The following CHKA variants were observed in gnomAD, a reference collection of about 807,000 sequenced individuals.
CHKA encodes choline kinase alpha.
Under a neutral mutation model 60.1 loss-of-function variants are expected in CHKA, and 34 were observed. The observed-to-expected ratio is 0.57, with a 90% CI of 0.43 to 0.75. The LOEUF (loss-of-function observed/expected upper bound fraction) is 0.75, where lower values mean the gene tolerates loss of function less well. Ranked by LOEUF, CHKA falls within the 30% of genes least tolerant of loss-of-function variation. The pLI, the probability that CHKA is intolerant of heterozygous loss-of-function variation, is 0.00. For synonymous variants in CHKA, 217 were observed against 223.1 expected, an observed-to-expected ratio of 0.97 and a Z score of 0.24; for missense variants, 563 against 561.3, an observed-to-expected ratio of 1.00 and a Z score of -0.03.
chr11:68,058,719 C>T (rs1774806908), intron 11 of CHKA, among the ~76,000 whole-genome samples: 1 of 152,178 alleles, frequency 6.6e-6, no homozygotes, highest in Non-Finnish European at 1.5e-5. Flanking sequence ...GTTTCTTCTT[C>T]CTTCCCAGTG....
At chr11:68,093,413 A>C (rs1167299315) in intron 2 of CHKA, among the ~76,000 whole-genome samples, 1 of 152,224 alleles carries the variant, frequency 6.6e-6, no homozygotes, top group Non-Finnish European at 1.5e-5. Flanking sequence ...AATATAACTG[A>C]GAAGCTAAAT....
At chr11:68,084,776 A>G (rs577568285) in intron 2 of CHKA, among the ~76,000 whole-genome samples, 1 of 152,202 alleles carries the variant, frequency 6.6e-6, no homozygotes, top group South Asian at 2.1e-4. Flanking sequence ...CTTCAAAATA[A>G]CCCTGGTGGA....
intron 1 of CHKA, among the ~76,000 whole-genome samples, chr11:68,109,341 A>G (rs764243960): frequency 5.7e-4 from 86 of 152,110 alleles, no homozygotes; most frequent in Non-Finnish European, 9.4e-4. Flanking sequence ...CTCCCGCCTC[A>G]GGCTCCCAAA....
Position 68,084,376 on chromosome 11 carries a change from A to ATG in CHKA, c.463-2921_463-2920dup, listed in dbSNP as rs762321561. ...TATATATATACACATATATACGTAT[A>ATG]TGTGTATATATATACACACATATAC... On this transcript the variant is annotated intron_variant, in intron 2 of 11. Transcript: ENST00000265689. Among the ~76,000 whole-genome samples, 19 of 124,556 alleles carry ATG rather than the reference A, an allele frequency of 1.5e-4. No homozygotes were observed. The East Asian group carries it at 1.7e-3, about 11-fold the overall frequency. The allele number at this position is 124,556 out of a possible 152,430, so 81.7% of individuals were successfully genotyped here. A position where few individuals can be genotyped will look rare whatever the true frequency, so the allele number is the denominator to read the frequency against.
intron 11 of CHKA, among the ~76,000 whole-genome samples, chr11:68,058,771 T>A (rs1241742435): frequency 1.3e-5 from 2 of 152,218 alleles, no homozygotes; most frequent in Non-Finnish European, 2.9e-5. Flanking sequence ...CTGCACCAGC[T>A]AGGAGCTTCA....
At chr11:68,080,386 C>A (rs903855390) in intron 3 of CHKA, among the ~76,000 whole-genome samples, 2 of 151,796 alleles carry the variant, frequency 1.3e-5, no homozygotes, top group African/African-American at 4.8e-5. Flanking sequence ...CGACTCCTGT[C>A]GCCCAGGCTG....
intron 1 of CHKA, among the ~76,000 whole-genome samples, chr11:68,101,321 A>C (rs910649772): frequency 1.1e-4 from 17 of 152,184 alleles, no homozygotes; most frequent in Non-Finnish European, 2.1e-4. Context: ...TAGCCAGAAA[A>C]ACAAGGCAAG....
At chr11:68,119,763 C>A (rs1332701597) in intron 1 of CHKA, among the ~76,000 whole-genome samples, 1 of 152,078 alleles carries the variant, frequency 6.6e-6, no homozygotes, top group Non-Finnish European at 1.5e-5. Context: ...CCACTGCGCC[C>A]GGCCCGGGAA....
intron 1 of CHKA, among the ~76,000 whole-genome samples, chr11:68,110,121 T>C (rs1858078259): frequency 6.6e-6 from 1 of 152,096 alleles, no homozygotes; most frequent in Non-Finnish European, 1.5e-5. Flanking sequence ...AGAGAGGAAC[T>C]TCCTCAACTT....
chr11:68,081,699 C>G, intron 2 of CHKA: 1 of 424,090 alleles, frequency 2.4e-6, no homozygotes, highest in Non-Finnish European at 4.3e-6. Flanking sequence ...GACCCGATAG[C>G]TGCACGTCTC....
chr11:68,054,535 A>G (rs1228771167), intron 11 of CHKA, among the ~76,000 whole-genome samples: 1 of 152,158 alleles, frequency 6.6e-6, no homozygotes, highest in Non-Finnish European at 1.5e-5. Context: ...GGCAAGGGAG[A>G]AAACCCGGCT....
chr11:68,064,771 G>A (rs1009282331), intron 9 of CHKA, 140 bp from the exon 10 acceptor site: 1 of 597,468 alleles, frequency 1.7e-6, no homozygotes, highest in Non-Finnish European at 2.9e-6. Flanking sequence ...GACATCCTGG[G>A]GCTGGCACCA....
chr11:68,087,644 CA>C (rs1251076222), intron 2 of CHKA, among the ~76,000 whole-genome samples: 1 of 151,854 alleles, frequency 6.6e-6, no homozygotes, highest in African/African-American at 2.4e-5. Context: ...AAAATACACA[CA>C]AAAAAAGAAA....
rs747714152 is a variant in CHKA, at chr11:68,064,561, G to T, written c.1196C>A (p.Ser399Tyr). 6.3e-6 allele frequency: 10 copies of T among 1,580,634 alleles called. No individual in the cohort carries two copies. Among genetic ancestry groups the T allele is most frequent in the Non-Finnish European group, 8.6e-6 (10 of 1,166,588 alleles). The change falls in exon 10 of 12, where the codon TCC (serine) becomes TAC (tyrosine). Residue 399 changes from serine (S) to tyrosine (Y), a missense_variant. Coordinates refer to ENST00000265689, the MANE Select transcript of CHKA (RefSeq NM_001277.3). Reference sequence around the variant, plus strand: ...AAGCAACATTTCTTCTTTTATAATGGATTTTTCTTCAGTACTGAGGTTTTC... The same window carrying T: ...AAGCAACATTTCTTCTTTTATAATGTATTTTTCTTCAGTACTGAGGTTTTC... The part of the protein sequence containing the change: ...DFENLSTEEK[S>Y]IIKEEMLLEV...
intron 1 of CHKA, among the ~76,000 whole-genome samples, chr11:68,104,491 G>A (rs1187220480): frequency 6.6e-6 from 1 of 151,900 alleles, no homozygotes; most frequent in African/African-American, 2.4e-5. Flanking sequence ...TGCAATCTCG[G>A]CTCACCGCAA....
At chr11:68,105,463 C>T (rs1243877078) in intron 1 of CHKA, among the ~76,000 whole-genome samples, 2 of 130,668 alleles carry the variant, frequency 1.5e-5, no homozygotes, top group African/African-American at 5.9e-5. Flanking sequence ...TGCAGTGAGC[C>T]GAAATCGGGC....
chr11:68,120,352 C>A (rs1038829957), intron 1 of CHKA, among the ~76,000 whole-genome samples: 1 of 152,200 alleles, frequency 6.6e-6, no homozygotes, highest in East Asian at 1.9e-4. Context: ...AATGCTACTC[C>A]TCCACTAACA....
chr11:68,120,259 C>A (rs1590892811), intron 1 of CHKA, among the ~76,000 whole-genome samples: 1 of 151,178 alleles, frequency 6.6e-6, no homozygotes, highest in African/African-American at 2.4e-5. Flanking sequence ...AAAAACATTT[C>A]TACCTTACTC....
chr11:68,059,624 A>C (rs1856148732), intron 11 of CHKA, among the ~76,000 whole-genome samples: 1 of 152,060 alleles, frequency 6.6e-6, no homozygotes, highest in Admixed American at 6.6e-5. Flanking sequence ...ATATTTTCTC[A>C]TTTTCTTTTT....
Sources: gnomAD v4.1 joint callset for allele counts (sites outside exome capture counted in the v4.1 genomes callset) on GRCh38, gnomAD v4.1.1 for gene constraint, MANE v1.5 for transcripts, NCBI Gene and HGNC (gene_info 2026-07-23, HGNC 2026-07-21) for gene names.